The following NSG1 variants were observed in gnomAD, a reference collection of about 807,000 sequenced individuals.
NSG1 encodes neuronal vesicle trafficking-associated protein 1.
NSG1 carries 9 observed loss-of-function variants against 19.3 expected under a neutral mutation model. That is an observed-to-expected ratio of 0.47 (90% CI 0.28 to 0.81). The LOEUF is 0.81. NSG1 is among the 40% of genes least tolerant of loss of function. The pLI is 0.11. For synonymous variants in NSG1, 104 were observed against 107.0 expected, an observed-to-expected ratio of 0.97 and a Z score of 0.17; for missense variants, 236 against 242.4, an observed-to-expected ratio of 0.97 and a Z score of 0.18.
At chr4:4,396,640 G>T (rs1262498908) in intron 3 of NSG1, among the ~76,000 whole-genome samples, 2 of 151,472 alleles carry the variant, frequency 1.3e-5, no homozygotes, top group East Asian at 4.0e-4. Context: ...TGGGTGGTTT[G>T]TGTCTTTTCT....
chr4:4,415,984 T>C (rs1724509082), intron 4 of NSG1: 1 of 650,936 alleles, frequency 1.5e-6, no homozygotes, highest in Non-Finnish European at 2.8e-6. Context: ...CTGGTGGGAC[T>C]GAGATCAAGA....
In NSG1 at chr4:4,387,670, A is replaced by T. The variant is rs746444497; in HGVS notation, c.41A>T (p.Lys14Met). 15 of 1,613,794 alleles carry T rather than the reference A, an allele frequency of 9.3e-6. No homozygotes were observed. In the Admixed American group the frequency reaches 2.2e-4, roughly 23 times the overall value. ...LGNNFAEKGT[K>M]QPLLEDGFDT... ...AACAATTTCGCAGAGAAGGGCACCAAGCAGCCGCTGCTGGAGGATGGCTTC... is the reference window on the plus strand; with the variant it reads ...AACAATTTCGCAGAGAAGGGCACCATGCAGCCGCTGCTGGAGGATGGCTTC... Residue 14 changes from lysine to methionine, a missense_variant, in exon 2 of 5, where the codon AAG becomes ATG. Transcript: ENST00000621129.
intron 4 of NSG1, 103 bp from the exon 5 acceptor site, chr4:4,417,132 C>A: frequency 1.0e-6 from 1 of 955,764 alleles, no homozygotes; most frequent in Non-Finnish European, 1.7e-6. Flanking sequence ...TCTATTCCTC[C>A]AAGCTCAGGG....
intron 3 of NSG1, among the ~76,000 whole-genome samples, chr4:4,396,688 T>A (rs1723267791): frequency 7.2e-6 from 1 of 138,676 alleles, no homozygotes; most frequent in South Asian, 2.2e-4. Context: ...TGCGTGCCCA[T>A]CTGTTTCCAC....
At chr4:4,386,555 C>G (rs1386981846), upstream of NSG1, 1 of 152,570 alleles carries the variant, frequency 6.6e-6, no homozygotes, top group East Asian at 1.9e-4. Context: ...CAACCCAGCA[C>G]TAAGGAGCAC....
intron 2 of NSG1, among the ~76,000 whole-genome samples, chr4:4,388,303 C>T (rs962315392): frequency 5.3e-5 from 8 of 152,214 alleles, no homozygotes; most frequent in African/African-American, 1.9e-4. Flanking sequence ...CACACAGGGT[C>T]TCCTTCCTCT....
At chr4:4,405,148 T>C (rs1560144610) in intron 3 of NSG1, among the ~76,000 whole-genome samples, 1 of 152,318 alleles carries the variant, frequency 6.6e-6, no homozygotes, top group East Asian at 1.9e-4. Context: ...CAGGGGAGAC[T>C]CTGTCCTTGC....
intron 3 of NSG1, among the ~76,000 whole-genome samples, chr4:4,396,571 G>C (rs1397906480): frequency 6.6e-6 from 1 of 152,196 alleles, no homozygotes; most frequent in African/African-American, 2.4e-5. Context: ...TGGTCCCCCT[G>C]GTTGGCAGTC....
intron 4 of NSG1, among the ~76,000 whole-genome samples, chr4:4,412,737 A>G (rs1724283498): frequency 6.6e-6 from 1 of 152,172 alleles, no homozygotes; most frequent in Non-Finnish European, 1.5e-5. Flanking sequence ...CCATACACTC[A>G]GTAGCTGGCT....
intron 3 of NSG1, among the ~76,000 whole-genome samples, chr4:4,397,540 G>A (rs1288489710): frequency 2.0e-5 from 3 of 152,200 alleles, no homozygotes; most frequent in Non-Finnish European, 4.4e-5. Flanking sequence ...GCAGACGGGA[G>A]CACAGCCAGT....
chr4:4,411,851 CT>C (rs150578692), intron 4 of NSG1, among the ~76,000 whole-genome samples: 3,567 of 146,724 alleles, frequency 0.024, 142 homozygotes, highest in African/African-American at 0.083. Flanking sequence ...TTAGAGTTAA[CT>C]TTTTTTTTTT....
At chr4:4,387,561 C>CCGGGGGGGGTGTGG in intron 1 of NSG1, 43 bp from the exon 2 acceptor site, 2 of 1,141,986 alleles carry the variant, frequency 1.8e-6, no homozygotes, top group Non-Finnish European at 1.2e-6. Flanking sequence ...CGCCCCGCCC[C>CCGGGGGGGGTGTGG]GGGTCTTGCT....
chr4:4,410,620 G>A (rs1314590077), intron 4 of NSG1, among the ~76,000 whole-genome samples: 1 of 152,166 alleles, frequency 6.6e-6, no homozygotes, highest in Non-Finnish European at 1.5e-5. Flanking sequence ...GTAAAAACAC[G>A]TTATAACGCA....
chr4:4,403,343 T>G (rs946676331), intron 3 of NSG1, among the ~76,000 whole-genome samples: 1 of 152,238 alleles, frequency 6.6e-6, no homozygotes, highest in Non-Finnish European at 1.5e-5. Flanking sequence ...GGCCCTGCTC[T>G]GTCCGGAGGC....
chr4:4,417,291 TG>T lies in NSG1; in HGVS notation c.415del (p.Ala139ProfsTer9). 1.2e-6 allele frequency: 2 copies of T among 1,614,168 alleles called. No individual in the cohort carries two copies. The highest frequency in any genetic ancestry group is 1.7e-6 in the Non-Finnish European group (2 of 1,180,044). ...GCTACTACGCGGAGCAAGACTCCAG[TG>T]CCCGGGAGAAATTTTACACAGTCAT... ...ESYYAEQDSS[A>X]REKFYTVINH... On this transcript the variant is annotated frameshift_variant, in exon 5 of 5. Coordinates refer to ENST00000621129, the MANE Select transcript of NSG1 (RefSeq NM_014392.5). LOFTEE classifies it high-confidence loss of function.
At chr4:4,397,036 C>CTGTGTGT (rs1490703184) in intron 3 of NSG1, among the ~76,000 whole-genome samples, 2 of 44,366 alleles carry the variant, frequency 4.5e-5, no homozygotes, top group Non-Finnish European at 9.1e-5. Context: ...TGGGTTCAGT[C>CTGTGTGT]ATCTGTGTGT....
chr4:4,415,579 A>C (rs527976486), intron 4 of NSG1, among the ~76,000 whole-genome samples: 6 of 151,986 alleles, frequency 3.9e-5, no homozygotes, highest in African/African-American at 1.4e-4. Context: ...CATGGGCACC[A>C]AGGTGCCTCC....
intron 3 of NSG1, among the ~76,000 whole-genome samples, chr4:4,402,608 T>C (rs1320124760): frequency 1.3e-5 from 2 of 151,904 alleles, no homozygotes; most frequent in Admixed American, 6.6e-5. Flanking sequence ...CAGGATGGTC[T>C]CGATCTCCTG....
intron 3 of NSG1, among the ~76,000 whole-genome samples, chr4:4,395,834 C>T (rs919930212): frequency 6.6e-6 from 1 of 152,226 alleles, no homozygotes; most frequent in African/African-American, 2.4e-5. Flanking sequence ...TTGTCCCCTC[C>T]TCTCTCCAAT....
Sources: allele counts gnomAD v4.1 joint callset (sites outside exome capture counted in the v4.1 genomes callset), GRCh38; gene constraint gnomAD v4.1.1; transcripts MANE v1.5; gene names NCBI Gene and HGNC (gene_info 2026-07-23, HGNC 2026-07-21).